The following ZNF517 variants were observed in gnomAD, a reference collection of about 807,000 sequenced individuals.
The protein encoded by ZNF517 is zinc finger protein 517.
A neutral mutation model predicts 12.1 loss-of-function variants in ZNF517; 12 were observed. The ratio of observed to expected loss-of-function variants is 0.99; its 90% CI spans 0.63 to 1.61. The LOEUF is 1.61. Among genes scored for constraint, ZNF517 ranks in the 40% most tolerant of loss-of-function variants. The probability of loss-of-function intolerance (pLI) is 0.00; values close to 1 mark genes in which losing one functional copy is unlikely to be tolerated. For missense variants in ZNF517, 781 were observed against 693.2 expected (o/e 1.13, Z -1.42); for synonymous variants, 388 against 310.2 (o/e 1.25, Z -2.63).
At chr8:144,810,155 C>T (rs1420713212), downstream of ZNF517, 4 of 697,810 alleles carry the variant, frequency 5.7e-6, no homozygotes, top group Non-Finnish European at 7.9e-6. Context: ...GCCCTGCCAG[C>T]TCAGAAGGTG....
In ZNF517 at chr8:144,807,692, G is replaced by C. The variant is rs934935922; in HGVS notation, c.776G>C (p.Arg259Pro). Residue 259 changes from arginine (R) to proline (P), a missense_variant, in exon 5 of 5, where the codon CGG (arginine) becomes CCG (proline). Physicochemically the swap from Arg to Pro is moderately radical, Grantham distance 103. Transcript: ENST00000359971. ...AAHHRVHTRE[R>P]PYACGECGKA... Reference sequence around the variant, plus strand: ...CACCACCGCGTCCACACCCGCGAGCGGCCCTACGCATGCGGCGAGTGCGGC... The same window carrying C: ...CACCACCGCGTCCACACCCGCGAGCCGCCCTACGCATGCGGCGAGTGCGGC... 1.1e-5 allele frequency: 18 copies of C among 1,610,148 alleles called. No individual in the cohort carries two copies. The highest frequency in any genetic ancestry group is 1.4e-5 in the Non-Finnish European group (17 of 1,179,172).
Position 144,807,957 on chromosome 8 carries a change from C to T in ZNF517, c.1041C>T (p.Gly347=), listed in dbSNP as rs769848561. The change falls in exon 5 of 5, where the codon GGC becomes GGT. Residue 347 remains glycine, a synonymous_variant. Coordinates refer to ENST00000359971, the MANE Select transcript of ZNF517 (RefSeq NM_213605.3). ...RLHAQEGAQD[G]GVGQGALLGA... ...ACGCGCAGGAGGGTGCCCAGGACGGCGGCGTGGGGCAGGGCGCCCTGCTCG... is the reference window on the plus strand; with the variant it reads ...ACGCGCAGGAGGGTGCCCAGGACGGTGGCGTGGGGCAGGGCGCCCTGCTCG... 6.0e-6 allele frequency: 9 copies of T among 1,501,630 alleles called. No individual in the cohort carries two copies. The highest frequency in any genetic ancestry group is 7.1e-6 in the Non-Finnish European group (8 of 1,128,068). 93.0% of individuals were successfully genotyped at this position (1,501,630 alleles called of 1,614,324 possible).
At position 144,807,704 on chromosome 8, in the gene ZNF517, G is replaced by T; in HGVS notation, c.788G>T (p.Cys263Phe). The T allele has an allele frequency of 6.2e-7, 1 of 1,611,362 alleles. No homozygotes were observed. The change falls in exon 5 of 5, where the codon TGC becomes TTC. Residue 263 changes from cysteine to phenylalanine, a missense_variant. Coordinates refer to ENST00000359971, the MANE Select transcript of ZNF517 (RefSeq NM_213605.3). Reference protein sequence around the residue: ...RVHTRERPYACGECGKAFSRS... With the variant: ...RVHTRERPYAFGECGKAFSRS... ...CACACCCGCGAGCGGCCCTACGCAT[G>T]CGGCGAGTGCGGCAAGGCCTTCAGC...
chr8:144,807,730 C>T lies in ZNF517; in HGVS notation c.814C>T (p.Arg272Cys). The T allele has an allele frequency of 1.2e-6, 2 of 1,611,922 alleles. No individual in the cohort carries two copies. The highest frequency in any genetic ancestry group is 1.7e-6 in the Non-Finnish European group (2 of 1,179,428). Residue 272 changes from arginine (R) to cysteine (C), a missense_variant, in exon 5 of 5, where the codon CGC (arginine) becomes TGC (cysteine). Coordinates refer to ENST00000359971, the MANE Select transcript of ZNF517 (RefSeq NM_213605.3). ...ACGECGKAFSRSSRLLQHQKF... is the reference protein window; with the variant it reads ...ACGECGKAFSCSSRLLQHQKF... The stretch of plus-strand genomic sequence containing the variant: ...CGGCGAGTGCGGCAAGGCCTTCAGC[C>T]GCAGCTCCCGGCTGCTGCAGCACCA...
intron 1 of ZNF517, among the ~76,000 whole-genome samples, chr8:144,802,534 G>A (rs1228812457): frequency 6.6e-6 from 1 of 152,234 alleles, no homozygotes; most frequent in African/African-American, 2.4e-5. Context: ...GAGCAAGGAA[G>A]TTAACTTGTC....
In ZNF517 at chr8:144,799,592, AT is replaced by A. The variant is rs559593679; in HGVS notation, c.-46+657del. On this transcript the variant is annotated intron_variant, in intron 1 of 4. Transcript: ENST00000359971. ...GCACAGAATAAACCAAGGAAATAAA[AT>A]TGTGAGAGTTAGGGGGTTAGGGTAG... 4.0e-3 allele frequency among the ~76,000 whole-genome samples: 606 copies of A among 152,308 alleles called. 2 individuals carry two copies. The highest frequency in any genetic ancestry group is 0.014 in the African/African-American group (575 of 41,570).
chr8:144,808,124 A>G lies in ZNF517; in HGVS notation c.1208A>G (p.Lys403Arg), dbSNP rs780766517. 5.0e-6 allele frequency: 8 copies of G among 1,612,378 alleles called. 1 individual carries two copies. The South Asian group carries it at 8.8e-5, about 18-fold the overall frequency. ...EKPFECAECG[K>R]AFGRKSNLTL... ...CCGTTCGAGTGCGCGGAGTGCGGCA[A>G]GGCCTTCGGTCGCAAGTCCAACCTC... is the stretch of plus-strand genomic sequence containing the variant. Residue 403 changes from lysine to arginine, a missense_variant, in exon 5 of 5, where the codon AAG (lysine) becomes AGG (arginine). Lys to Arg is a conservative substitution (Grantham distance 26). Coordinates refer to ENST00000359971, the MANE Select transcript of ZNF517 (RefSeq NM_213605.3).
In ZNF517 at chr8:144,809,194, T is replaced by G. The variant is rs1228466119; in HGVS notation, c.*799T>G. 1 of 151,952 alleles carries G rather than the reference T, an allele frequency of 6.6e-6. No homozygotes were observed. The highest frequency in any genetic ancestry group is 2.4e-5 in the African/African-American group (1 of 41,368). 9.4% of individuals were successfully genotyped at this position (151,952 alleles called of 1,614,324 possible). On this transcript the variant is annotated 3_prime_UTR_variant, in exon 5 of 5. Coordinates refer to ENST00000359971, the MANE Select transcript of ZNF517 (RefSeq NM_213605.3). Reference sequence around the variant, plus strand: ...GTGGAGCTCTATCTATCTATCTATCTATCTATCTCTTTTTTTGAGGCAGGA... The same window carrying G: ...GTGGAGCTCTATCTATCTATCTATCGATCTATCTCTTTTTTTGAGGCAGGA...
chr8:144,810,243 G>A (rs1254464891), downstream of ZNF517: 1 of 672,606 alleles, frequency 1.5e-6, no homozygotes, highest in Non-Finnish European at 2.7e-6. Context: ...GGAGCACCCT[G>A]TCACCCCTAA....
downstream of ZNF517, among the ~76,000 whole-genome samples, chr8:144,811,688 G>T (rs376858723): frequency 1.5e-4 from 20 of 133,590 alleles, no homozygotes; most frequent in Admixed American, 9.4e-4. Context: ...GTAAAGCTCA[G>T]CCAGGTGCAG....
downstream of ZNF517, among the ~76,000 whole-genome samples, chr8:144,811,636 A>C (rs28538301): frequency 1.4e-3 from 138 of 100,192 alleles, no homozygotes; most frequent in Non-Finnish European, 2.2e-3. Flanking sequence ...CAGACTGCAG[A>C]ATGGAAGCAA....
At chr8:144,801,176 T>TTTACAAAG (rs1826940411) in intron 1 of ZNF517, among the ~76,000 whole-genome samples, 1 of 152,088 alleles carries the variant, frequency 6.6e-6, no homozygotes, top group African/African-American at 2.4e-5. Flanking sequence ...GAAACATCTC[T>TTTACAAAG]TTACAAAGTG....
In ZNF517 at chr8:144,808,013, C is replaced by G; in HGVS notation, c.1097C>G (p.Pro366Arg). The G allele has an allele frequency of 6.3e-7, 1 of 1,577,994 alleles. No individual in the cohort carries two copies. Among genetic ancestry groups the G allele is most frequent in the Non-Finnish European group, 8.6e-7 (1 of 1,162,280 alleles). The change falls in exon 5 of 5, where the codon CCG becomes CGG. Residue 366 changes from proline to arginine, a missense_variant. Pro to Arg is a moderately radical substitution (Grantham distance 103). Coordinates refer to ENST00000359971, the MANE Select transcript of ZNF517 (RefSeq NM_213605.3). ...GCGCAGAGGCCCCAGGCGGGGGACC[C>G]GCCCCACGAGTGCCCGGTGTGCGGG... ...GAAQRPQAGDPPHECPVCGRP... is the reference protein window; with the variant it reads ...GAAQRPQAGDRPHECPVCGRP...
chr8:144,812,146 A>G (rs1283733634), downstream of ZNF517, among the ~76,000 whole-genome samples: 1 of 138,920 alleles, frequency 7.2e-6, no homozygotes. Context: ...AGGCTGAGAC[A>G]GGGTGGGAGA....
At chr8:144,810,148 C>A, downstream of ZNF517, 1 of 696,874 alleles carries the variant, frequency 1.4e-6, no homozygotes, top group Non-Finnish European at 2.6e-6. Flanking sequence ...GAAGGAAGCC[C>A]TGCCAGCTCA....
Position 144,807,964 on chromosome 8 carries a change from G to C in ZNF517, c.1048G>C (p.Gly350Arg), listed in dbSNP as rs772865334. The C allele has an allele frequency of 5.3e-6, 8 of 1,507,376 alleles. No individual in the cohort carries two copies. The African/African-American group carries it at 1.1e-4, about 21-fold the overall frequency. 93.4% of individuals were successfully genotyped at this position (1,507,376 alleles called of 1,614,324 possible). Residue 350 changes from glycine (G) to arginine (R), a missense_variant, in exon 5 of 5, where the codon GGG becomes CGG. By Grantham distance (125) the Gly-to-Arg change is moderately radical. Transcript: ENST00000359971. ...AQEGAQDGGV[G>R]QGALLGAAQR... ...GGAGGGTGCCCAGGACGGCGGCGTG[G>C]GGCAGGGCGCCCTGCTCGGAGCTGC...
chr8:144,800,787 A>T, intron 1 of ZNF517: 1 of 708,770 alleles, frequency 1.4e-6, no homozygotes, highest in South Asian at 6.4e-5. Flanking sequence ...CTGCTGCCAA[A>T]TGTCACTTCA....
chr8:144,807,648 G>A lies in ZNF517; in HGVS notation c.732G>A (p.Gln244=). The A allele has an allele frequency of 6.2e-7, 1 of 1,609,644 alleles. No homozygotes were observed. The highest frequency in any genetic ancestry group is 8.5e-7 in the Non-Finnish European group (1 of 1,179,234). The change falls in exon 5 of 5, where the codon CAG becomes CAA. Residue 244 remains glutamine (Q), a synonymous_variant. Coordinates refer to ENST00000359971, the MANE Select transcript of ZNF517 (RefSeq NM_213605.3). ...QCGECGKAFR[Q]STQLAAHHRV... ...GCGAGTGCGGGAAGGCCTTCCGGCA[G>A]AGCACGCAGCTGGCTGCCCACCACC...
rs772914411 is a variant in ZNF517, at chr8:144,804,243, G to A, written c.274+5G>A. On this transcript the variant is annotated splice_donor_5th_base_variant and intron_variant, in intron 4 of 4. Coordinates refer to ENST00000359971, the MANE Select transcript of ZNF517 (RefSeq NM_213605.3). The stretch of plus-strand genomic sequence containing the variant: ...CCAAAGCCAGCCTGTGCACAGGTGA[G>A]TACAAAGCACCCACAGGGCGTGTCC... 4.3e-5 allele frequency: 69 copies of A among 1,610,894 alleles called. No homozygotes were observed. Among genetic ancestry groups the A allele is most frequent in the Non-Finnish European group, 5.2e-5 (61 of 1,178,360 alleles).
Sources: allele counts gnomAD v4.1 joint callset (sites outside exome capture counted in the v4.1 genomes callset), GRCh38; gene constraint gnomAD v4.1.1; transcripts MANE v1.5; gene names NCBI Gene and HGNC (gene_info 2026-07-23, HGNC 2026-07-21).